ANGPT1: variants seen among roughly 807,000 people sequenced by gnomAD.
The protein encoded by ANGPT1 is angiopoietin 1.
A neutral mutation model predicts 62.2 loss-of-function variants in ANGPT1; 17 were observed. The ratio of observed to expected loss-of-function variants is 0.27; its 90% CI spans 0.19 to 0.41. The LOEUF is 0.41. ANGPT1 is among the 10% of genes least tolerant of loss of function. ANGPT1 has a pLI of 1.00. For missense variants in ANGPT1, 478 were observed against 594.9 expected (o/e 0.80, Z 2.04); for synonymous variants, 199 against 198.9 (o/e 1.00, Z 0.00).
At chr8:107,350,869 A>C (rs1026900712) in intron 1 of ANGPT1, among the ~76,000 whole-genome samples, 2 of 152,158 alleles carry the variant, frequency 1.3e-5, no homozygotes, top group Non-Finnish European at 2.9e-5. Flanking sequence ...GACTGCTTTC[A>C]TCTTATCTCT....
rs555935863 is a variant in ANGPT1, at chr8:107,293,285, T to C, written c.1038+651A>G. Among the ~76,000 whole-genome samples the C allele has an allele frequency of 3.4e-4, 52 of 152,246 alleles. No individual in the cohort carries two copies. In the South Asian group the frequency reaches 4.2e-3, roughly 12 times the overall value. ...CCAGTGAGCCATGGCTCACAGTTCATACCTTTGTGTACTCCTCGTGCCTTA... is the reference window on the plus strand; with the variant it reads ...CCAGTGAGCCATGGCTCACAGTTCACACCTTTGTGTACTCCTCGTGCCTTA... On this transcript the variant is annotated intron_variant, in intron 6 of 8. Coordinates refer to ENST00000517746, the MANE Select transcript of ANGPT1 (RefSeq NM_001146.5).
At chr8:107,374,324 A>C (rs547139775) in intron 1 of ANGPT1, among the ~76,000 whole-genome samples, 1 of 152,352 alleles carries the variant, frequency 6.6e-6, no homozygotes, top group Non-Finnish European at 1.5e-5. Flanking sequence ...AAGATTAGAA[A>C]GTATAATATT....
chr8:107,370,213 A>C, intron 1 of ANGPT1, among the ~76,000 whole-genome samples: 1 of 148,702 alleles, frequency 6.7e-6, no homozygotes, highest in Non-Finnish European at 1.5e-5. Flanking sequence ...GAAAGAAAGA[A>C]AGAAAGGAGA....
intron 1 of ANGPT1, among the ~76,000 whole-genome samples, chr8:107,478,007 C>A (rs1026707946): frequency 1.3e-5 from 2 of 148,598 alleles, no homozygotes; most frequent in East Asian, 1.9e-4. Flanking sequence ...AAAGCTGCTT[C>A]GGTAGTAAAA....
rs186631700 is a variant in ANGPT1, at chr8:107,273,563, A to G, written c.1206-9212T>C. On this transcript the variant is annotated intron_variant, in intron 7 of 8. Coordinates refer to ENST00000517746, the MANE Select transcript of ANGPT1 (RefSeq NM_001146.5). ...GTCCTCTAAATACTTGCTGTCCTCT[A>G]AATAAGGCAGACTGTCTCTCATCTC... 1.3e-3 allele frequency among the ~76,000 whole-genome samples: 199 copies of G among 152,100 alleles called. 2 individuals carry two copies. Among genetic ancestry groups the G allele is most frequent in the East Asian group, 7.0e-3 (36 of 5,174 alleles).
intron 1 of ANGPT1, among the ~76,000 whole-genome samples, chr8:107,364,892 T>C (rs1466197322): frequency 6.6e-6 from 1 of 152,174 alleles, no homozygotes; most frequent in African/African-American, 2.4e-5. Context: ...GTGAACGCAG[T>C]TCCTAGATGT....
At chr8:107,286,668 T>C (rs1223314400) in intron 6 of ANGPT1, among the ~76,000 whole-genome samples, 2 of 152,172 alleles carry the variant, frequency 1.3e-5, no homozygotes, top group African/African-American at 4.8e-5. Flanking sequence ...AGGCTGAATA[T>C]GCTTGGTCCA....
At chr8:107,365,856 A>AACACACACACACACACACACAC (rs10627552) in intron 1 of ANGPT1, among the ~76,000 whole-genome samples, 1 of 147,084 alleles carries the variant, frequency 6.8e-6, no homozygotes, top group African/African-American at 2.5e-5. Flanking sequence ...AAACAAATAC[A>AACACACACACACACACACACAC]ACACACACAC....
chr8:107,396,354 T>C (rs1338961482), intron 1 of ANGPT1, among the ~76,000 whole-genome samples: 1 of 152,102 alleles, frequency 6.6e-6, no homozygotes, highest in Non-Finnish European at 1.5e-5. Flanking sequence ...GGCATTTAAG[T>C]CCAGATTCTC....
At chr8:107,317,051 T>A (rs2130042146) in intron 4 of ANGPT1, among the ~76,000 whole-genome samples, 1 of 152,326 alleles carries the variant, frequency 6.6e-6, no homozygotes, top group East Asian at 1.9e-4. Flanking sequence ...AAGAAAACTC[T>A]AGAGATGCTG....
rs1816462865 is a variant in ANGPT1 at position 107,373,640 on chromosome 8, T to C, written c.298-26543A>G. ...AGAAGTGAGATAAGTTCTACGATGA[T>C]GGAAGTTTTTCTTTCTAGGGGCTCT... is the stretch of plus-strand genomic sequence containing the variant. On this transcript the variant is annotated intron_variant, in intron 1 of 8. Coordinates refer to ENST00000517746, the MANE Select transcript of ANGPT1 (RefSeq NM_001146.5). 2.0e-5 allele frequency among the ~76,000 whole-genome samples: 3 copies of C among 152,266 alleles called. 1 individual carries two copies. The Middle Eastern group carries it at 0.01, about 518-fold the overall frequency.
chr8:107,348,089 C>T (rs1168190655), intron 1 of ANGPT1, among the ~76,000 whole-genome samples: 1 of 152,086 alleles, frequency 6.6e-6, no homozygotes, highest in Non-Finnish European at 1.5e-5. Flanking sequence ...AATTGCATCC[C>T]AGAGAAATCA....
chr8:107,404,275 T>C (rs1287652872), intron 1 of ANGPT1, among the ~76,000 whole-genome samples: 1 of 152,134 alleles, frequency 6.6e-6, no homozygotes, highest in African/African-American at 2.4e-5. Flanking sequence ...TTCTATGGTA[T>C]ACATAAATAC....
At chr8:107,271,609 C>T (rs961623169) in intron 7 of ANGPT1, among the ~76,000 whole-genome samples, 3 of 151,840 alleles carry the variant, frequency 2.0e-5, no homozygotes, top group Admixed American at 1.3e-4. Flanking sequence ...ACCCATGAGG[C>T]CCCATATCCT....
intron 1 of ANGPT1, among the ~76,000 whole-genome samples, chr8:107,446,881 C>T (rs962720316): frequency 1.3e-5 from 2 of 152,200 alleles, no homozygotes; most frequent in African/African-American, 4.8e-5. Flanking sequence ...CACTCAGGTG[C>T]CAAATAGGCA....
chr8:107,492,541 T>G (rs537873973), intron 1 of ANGPT1, among the ~76,000 whole-genome samples: 1 of 152,324 alleles, frequency 6.6e-6, no homozygotes, highest in African/African-American at 2.4e-5. Flanking sequence ...TTCGCCATGT[T>G]GGCCAGGCTG....
chr8:107,271,672 A>G (rs2130071605), intron 7 of ANGPT1, among the ~76,000 whole-genome samples: 1 of 152,090 alleles, frequency 6.6e-6, no homozygotes, highest in Non-Finnish European at 1.5e-5. Context: ...AACATGAAGG[A>G]CAAGAAACCA....
intron 3 of ANGPT1, among the ~76,000 whole-genome samples, chr8:107,334,232 C>T (rs532775166): frequency 6.6e-6 from 1 of 152,092 alleles, no homozygotes; most frequent in East Asian, 1.9e-4. Context: ...TAGGGAAAAA[C>T]TAAAGAATGT....
chr8:107,259,484 T>G (rs1183688887), intron 8 of ANGPT1, among the ~76,000 whole-genome samples: 1 of 152,160 alleles, frequency 6.6e-6, no homozygotes, highest in Non-Finnish European at 1.5e-5. Context: ...TTCGTTAGCT[T>G]TAGAAAGTCT....
Sources: allele counts gnomAD v4.1 joint callset (sites outside exome capture counted in the v4.1 genomes callset), GRCh38; gene constraint gnomAD v4.1.1; transcripts MANE v1.5; gene names NCBI Gene and HGNC (gene_info 2026-07-23, HGNC 2026-07-21).